OTOGL: variants seen among roughly 807,000 people sequenced by gnomAD.
OTOGL encodes the protein otogelin-like protein.
OTOGL carries 285 observed loss-of-function variants against 318.5 expected under a neutral mutation model. That is an observed-to-expected ratio of 0.89 (90% confidence interval 0.81 to 0.99). OTOGL has a LOEUF of 0.99. OTOGL is among the 50% of genes least tolerant of loss of function. The pLI is 0.00. For missense variants in OTOGL, 2,899 were observed against 2,845.6 expected (o/e 1.02, Z -0.43); for synonymous variants, 987 against 936.5 (o/e 1.05, Z -0.99).
chr12:80,268,357 A>G (rs1883158978), intron 22 of OTOGL, among the ~76,000 whole-genome samples: 1 of 152,156 alleles, frequency 6.6e-6, no homozygotes, highest in African/African-American at 2.4e-5. Flanking sequence ...ATCCTGATTT[A>G]CAGGTGAGGA....
At chr12:80,354,927 C>G (rs1889774781) in intron 46 of OTOGL, among the ~76,000 whole-genome samples, 1 of 151,998 alleles carries the variant, frequency 6.6e-6, no homozygotes, top group Non-Finnish European at 1.5e-5. Context: ...TGATTGCCTA[C>G]TTTTTACTTT....
At chr12:80,374,266 C>T (rs1012022490) in intron 57 of OTOGL, among the ~76,000 whole-genome samples, 2 of 152,030 alleles carry the variant, frequency 1.3e-5, no homozygotes, top group Non-Finnish European at 2.9e-5. Flanking sequence ...TCCAGATTTC[C>T]ACTTTTTACA....
chr12:80,166,367 C>T (rs568539367), intron 1 of OTOGL, among the ~76,000 whole-genome samples: 1 of 152,206 alleles, frequency 6.6e-6, no homozygotes, highest in East Asian at 1.9e-4. Flanking sequence ...TGATTTTTCA[C>T]AAATTATTTT....
intron 19 of OTOGL, among the ~76,000 whole-genome samples, chr12:80,262,878 T>C (rs957103855): frequency 6.6e-6 from 1 of 152,178 alleles, no homozygotes; most frequent in Non-Finnish European, 1.5e-5. Flanking sequence ...CCTTTAATCA[T>C]CTTGGCTAGT....
At chr12:80,327,251 C>T (rs1357832635) in intron 35 of OTOGL, among the ~76,000 whole-genome samples, 1 of 152,048 alleles carries the variant, frequency 6.6e-6, no homozygotes, top group Non-Finnish European at 1.5e-5. Context: ...TCTCATGTTC[C>T]CTCCTGTCTT....
chr12:80,259,309 A>G (rs993016546), intron 18 of OTOGL, among the ~76,000 whole-genome samples: 1 of 151,432 alleles, frequency 6.6e-6, no homozygotes, highest in Non-Finnish European at 1.5e-5. Flanking sequence ...TTTCATGGAG[A>G]AGCTACTCTC....
chr12:80,336,880 C>T (rs762078354), intron 41 of OTOGL, 32 bp from the exon 42 acceptor site: 1 of 1,543,156 alleles, frequency 6.5e-7, no homozygotes. Context: ...TTGTGTTTAA[C>T]TCCGTAAAGT....
At chr12:80,162,820 G>T (rs1251483854) in intron 1 of OTOGL, among the ~76,000 whole-genome samples, 1 of 151,654 alleles carries the variant, frequency 6.6e-6, no homozygotes, top group Non-Finnish European at 1.5e-5. Flanking sequence ...TCCAATATGG[G>T]TTTTTTCTTG....
intron 8 of OTOGL, among the ~76,000 whole-genome samples, chr12:80,231,631 A>C (rs934139627): frequency 6.6e-6 from 1 of 151,720 alleles, no homozygotes; most frequent in African/African-American, 2.4e-5. Context: ...TTTTTAAAAA[A>C]TATTTTTATT....
Position 80,253,526 on chromosome 12 carries a change from G to T in OTOGL, c.1346G>T (p.Gly449Val). ...GAAAATTGCCCATGCGGTTTTCATG[G>T]ATTAGCTTATTCAGTTGGTTCAAAA... ...SLENCPCGFH[G>V]LAYSVGSKIE... Residue 449 changes from glycine to valine, a missense_variant, in exon 14 of 59, where the codon GGA (glycine) becomes GTA (valine). Transcript: ENST00000547103. 1 of 1,613,208 alleles carries T rather than the reference G, an allele frequency of 6.2e-7. No individual in the cohort carries two copies. The highest frequency in any genetic ancestry group is 1.1e-5 in the South Asian group (1 of 91,052).
intron 38 of OTOGL, among the ~76,000 whole-genome samples, chr12:80,334,418 G>C (rs779936173): frequency 3.3e-4 from 50 of 152,094 alleles, no homozygotes; most frequent in Non-Finnish European, 7.2e-4. Flanking sequence ...GCAAAAAGCT[G>C]TGGACATATA....
chr12:80,219,991 C>A, intron 6 of OTOGL, 79 bp downstream of exon 6: 1 of 1,037,816 alleles, frequency 9.6e-7, no homozygotes, highest in South Asian at 1.4e-5. Flanking sequence ...TAATAATGTT[C>A]ATCCATTGGG....
At chr12:80,123,639 T>C (rs1385235560) in intron 1 of OTOGL, among the ~76,000 whole-genome samples, 2 of 152,156 alleles carry the variant, frequency 1.3e-5, no homozygotes, top group South Asian at 2.1e-4. Context: ...GTTGAACTAG[T>C]TTATAGTCCC....
At chr12:80,117,896 C>T (rs142005531) in intron 1 of OTOGL, among the ~76,000 whole-genome samples, 14 of 152,284 alleles carry the variant, frequency 9.2e-5, no homozygotes, top group African/African-American at 3.1e-4. Flanking sequence ...AAAAGCACAT[C>T]TTAAAATGCC....
At chr12:80,287,330 T>G (rs373680750) in intron 26 of OTOGL, among the ~76,000 whole-genome samples, 1 of 151,734 alleles carries the variant, frequency 6.6e-6, no homozygotes, top group Non-Finnish European at 1.5e-5. Context: ...CGTGGTCAAT[T>G]TTAGAATAAG....
intron 26 of OTOGL, among the ~76,000 whole-genome samples, chr12:80,295,236 G>A (rs1378604756): frequency 6.9e-6 from 1 of 144,526 alleles, no homozygotes; most frequent in Non-Finnish European, 1.5e-5. Context: ...GAGTGCAGTG[G>A]CGTGGTCTCA....
chr12:80,143,342 G>C (rs1378953391), intron 1 of OTOGL, among the ~76,000 whole-genome samples: 2 of 152,094 alleles, frequency 1.3e-5, no homozygotes, highest in African/African-American at 4.8e-5. Context: ...ATCTGAATTT[G>C]GTTAGGGGAT....
At chr12:80,141,504 C>T (rs1173318494) in intron 1 of OTOGL, among the ~76,000 whole-genome samples, 4 of 152,108 alleles carry the variant, frequency 2.6e-5, no homozygotes, top group African/African-American at 4.8e-5. Flanking sequence ...GAGCACTTAT[C>T]GTTCAGCACC....
At chr12:80,323,636 G>A (rs1887489209) in intron 34 of OTOGL, 87 bp from the exon 35 acceptor site, 19 of 1,023,636 alleles carry the variant, frequency 1.9e-5, no homozygotes, top group Middle Eastern at 2.3e-4. Flanking sequence ...GTGACAGAGC[G>A]AGACTGTCTC....
Sources: gnomAD v4.1 joint callset for allele counts (sites outside exome capture counted in the v4.1 genomes callset) on GRCh38, gnomAD v4.1.1 for gene constraint, MANE v1.5 for transcripts, NCBI Gene and HGNC (gene_info 2026-07-23, HGNC 2026-07-21) for gene names.